GNB1L: variants seen among roughly 807,000 people sequenced by gnomAD.
The protein encoded by GNB1L is guanine nucleotide-binding protein subunit beta-like protein 1.
GNB1L carries 20 observed loss-of-function variants against 29.1 expected under a neutral mutation model. That is an observed-to-expected ratio of 0.69 (90% CI 0.48 to 1.00). GNB1L has a LOEUF of 1.00. Among genes scored for constraint, GNB1L ranks in the 50% least tolerant of loss-of-function variants. GNB1L has a pLI of 0.00. For missense variants in GNB1L, 421 were observed against 464.9 expected, an observed-to-expected ratio of 0.91 and a Z score of 0.87; for synonymous variants, 193 against 206.5, an observed-to-expected ratio of 0.93 and a Z score of 0.56.
intron 7 of GNB1L, among the ~76,000 whole-genome samples, chr22:19,800,491 C>T (rs1466288153): frequency 1.3e-5 from 2 of 152,294 alleles, no homozygotes; most frequent in Middle Eastern, 3.4e-3. Flanking sequence ...AAGGGAGACG[C>T]CCCTTCCAGA....
At chr22:19,852,713 G>C (rs535125344) in intron 2 of GNB1L, among the ~76,000 whole-genome samples, 2 of 152,158 alleles carry the variant, frequency 1.3e-5, no homozygotes, top group Non-Finnish European at 2.9e-5. Context: ...AGAAGAAAAG[G>C]GGCCAGATCA....
At chr22:19,848,225 A>T in intron 2 of GNB1L, 1 of 985,398 alleles carries the variant, frequency 1.0e-6, no homozygotes, top group Non-Finnish European at 1.2e-6. Flanking sequence ...ATCTCTGGGT[A>T]TTTCCAAGGG....
At chr22:19,845,675 T>C (rs1601352585) in intron 2 of GNB1L, among the ~76,000 whole-genome samples, 1 of 152,042 alleles carries the variant, frequency 6.6e-6, no homozygotes, top group South Asian at 2.1e-4. Context: ...GTCCCTGTAA[T>C]AGAGATGATG....
chr22:19,798,672 G>A (rs1205053899), intron 7 of GNB1L, among the ~76,000 whole-genome samples: 1 of 152,160 alleles, frequency 6.6e-6, no homozygotes, highest in Non-Finnish European at 1.5e-5. Flanking sequence ...GCCACTGCCT[G>A]CAGGGACAGG....
At chr22:19,851,316 G>C (rs1357613284) in intron 2 of GNB1L, 3 of 1,614,080 alleles carry the variant, frequency 1.9e-6, no homozygotes, top group Admixed American at 1.7e-5. Context: ...GGATGAGCTG[G>C]GTCTGGTCTC....
At chr22:19,813,081 T>C (rs994712380) in intron 4 of GNB1L, among the ~76,000 whole-genome samples, 6 of 152,140 alleles carry the variant, frequency 3.9e-5, no homozygotes, top group Non-Finnish European at 8.8e-5. Context: ...AGGGGAGACA[T>C]GGGCTGGCGG....
At chr22:19,841,642 T>C (rs558317887) in intron 2 of GNB1L, among the ~76,000 whole-genome samples, 7 of 152,264 alleles carry the variant, frequency 4.6e-5, no homozygotes. Context: ...GCCTCTAAAA[T>C]AAACAAACAA....
At chr22:19,840,947 C>A (rs1008809218) in intron 2 of GNB1L, among the ~76,000 whole-genome samples, 2 of 152,186 alleles carry the variant, frequency 1.3e-5, no homozygotes, top group African/African-American at 4.8e-5. Context: ...GAACATTTTA[C>A]AAGAGCCTGA....
chr22:19,850,659 T>G (rs1383487204), intron 2 of GNB1L: 53 of 1,228,536 alleles, frequency 4.3e-5, no homozygotes, highest in Non-Finnish European at 5.3e-5. Flanking sequence ...CCAGGCAGCC[T>G]TCCTCACATT....
intron 2 of GNB1L, chr22:19,847,655 A>G: frequency 1.0e-6 from 1 of 985,182 alleles, no homozygotes; most frequent in Non-Finnish European, 1.2e-6. Flanking sequence ...TCATGCACCT[A>G]GCAAGTAGTC....
intron 6 of GNB1L, among the ~76,000 whole-genome samples, chr22:19,804,082 G>A (rs779338909): frequency 6.6e-6 from 1 of 152,262 alleles, no homozygotes; most frequent in Non-Finnish European, 1.5e-5. Flanking sequence ...GCCTGGAGGG[G>A]CTTGCCCTGT....
intron 2 of GNB1L, among the ~76,000 whole-genome samples, chr22:19,853,716 T>A (rs1938165535): frequency 6.7e-6 from 1 of 150,302 alleles, no homozygotes. Flanking sequence ...CTGACCCCCC[T>A]CTGGGGGGGG....
rs1203796681 is a variant in GNB1L, at chr22:19,816,980, C to T, written c.254+3618G>A. On this transcript the variant is annotated intron_variant, in intron 4 of 7. Coordinates refer to ENST00000329517, the MANE Select transcript of GNB1L (RefSeq NM_053004.3). The surrounding 1 kb of genome is among the most constrained non-coding windows in gnomAD (Gnocchi z 4.4). ...GGAAGGCGGGACCGCTGGGTACCCACATGGAAACCCAGGGCCTTCACTGCA... is the reference window on the plus strand; with the variant it reads ...GGAAGGCGGGACCGCTGGGTACCCATATGGAAACCCAGGGCCTTCACTGCA... Among the ~76,000 whole-genome samples, 2 of 152,212 alleles carry T rather than the reference C, an allele frequency of 1.3e-5. No homozygotes were observed. The highest frequency in any genetic ancestry group is 1.5e-5 in the Non-Finnish European group (1 of 68,036).
intron 4 of GNB1L, among the ~76,000 whole-genome samples, chr22:19,817,571 T>TGAGA (rs1378819202): frequency 2.0e-5 from 3 of 152,174 alleles, no homozygotes; most frequent in Non-Finnish European, 2.9e-5. Context: ...TAAAGTTGAG[T>TGAGA]GAGAGAAGTC....
intron 5 of GNB1L, among the ~76,000 whole-genome samples, chr22:19,807,507 G>T (rs1350396970): frequency 6.6e-6 from 1 of 152,180 alleles, no homozygotes; most frequent in African/African-American, 2.4e-5. Flanking sequence ...GCAGCTCACT[G>T]GCCCCTGACA....
intron 7 of GNB1L, among the ~76,000 whole-genome samples, chr22:19,795,882 A>G (rs1240137089): frequency 6.6e-6 from 1 of 152,192 alleles, no homozygotes; most frequent in African/African-American, 2.4e-5. Flanking sequence ...ACAGCCACCA[A>G]GAGGCCCCTG....
intron 2 of GNB1L, chr22:19,847,852 T>C (rs2145902824): frequency 2.1e-6 from 2 of 933,242 alleles, no homozygotes; most frequent in South Asian, 4.9e-5. Flanking sequence ...TCTAGTACTT[T>C]CATAATTGTA....
chr22:19,852,310 G>C (rs763279212), intron 2 of GNB1L: 3 of 1,559,206 alleles, frequency 1.9e-6, no homozygotes, highest in Non-Finnish European at 2.6e-6. Context: ...GGTGGGTGGT[G>C]GGGGTGTGGA....
At chr22:19,809,280 G>A (rs538519650) in intron 5 of GNB1L, among the ~76,000 whole-genome samples, 4 of 152,112 alleles carry the variant, frequency 2.6e-5, no homozygotes, top group East Asian at 1.9e-4. Flanking sequence ...ATCAACCAGC[G>A]AGCGGAATGA....
Sources: gnomAD v4.1 joint callset for allele counts (sites outside exome capture counted in the v4.1 genomes callset) on GRCh38, gnomAD v4.1.1 for gene constraint, Gnocchi (gnomAD v3.1) non-coding constraint, MANE v1.5 for transcripts, NCBI Gene and HGNC (gene_info 2026-07-23, HGNC 2026-07-21) for gene names.